The following TENM2 variants were observed in gnomAD, a reference collection of about 807,000 sequenced individuals.
TENM2 encodes the protein teneurin transmembrane protein 2.
In TENM2, 52 loss-of-function variants were observed where a neutral mutation model predicts 245.2. That is an observed-to-expected ratio of 0.21 (90% CI 0.17 to 0.27). The LOEUF (loss-of-function observed/expected upper bound fraction) is 0.27. TENM2 is among the 10% of genes least tolerant of loss of function. The pLI, the probability that TENM2 is intolerant of heterozygous loss-of-function variation, is 1.00. For missense variants in TENM2, 3,046 were observed against 3,666.8 expected (o/e 0.83, Z 4.37); for synonymous variants, 1,363 against 1,438.9 (o/e 0.95, Z 1.19).
At chr5:167,123,845 T>C in the TENM2 span, among the ~76,000 whole-genome samples, 1 of 152,220 alleles carries the variant, frequency 6.6e-6, no homozygotes, top group African/African-American at 2.4e-5. Context: ...ATTATATTTA[T>C]GTCTAGAGCA....
At chr5:167,610,368 C>G (rs1367695007) in intron 2 of TENM2, among the ~76,000 whole-genome samples, 2 of 152,068 alleles carry the variant, frequency 1.3e-5, no homozygotes, top group East Asian at 3.9e-4. Flanking sequence ...TTGACCGACT[C>G]AACCTTCAGC....
At chr5:168,094,919 G>A (rs1413566862) in intron 8 of TENM2, among the ~76,000 whole-genome samples, 1 of 151,882 alleles carries the variant, frequency 6.6e-6, no homozygotes, top group Non-Finnish European at 1.5e-5. Context: ...TCATAGGAGG[G>A]CAAACCCTAT....
At chr5:167,424,824 T>C (rs1490172725) in intron 2 of TENM2, among the ~76,000 whole-genome samples, 1 of 152,178 alleles carries the variant, frequency 6.6e-6, no homozygotes, top group African/African-American at 2.4e-5. Context: ...TCATTGAAAA[T>C]ATTATTCTTG....
chr5:168,178,078 C>T (rs1208910087), intron 13 of TENM2, among the ~76,000 whole-genome samples: 2 of 152,162 alleles, frequency 1.3e-5, no homozygotes, highest in Non-Finnish European at 2.9e-5. Context: ...CCTACTAATC[C>T]TCTCCACTCT....
Position 168,143,867 on chromosome 5 carries a change from G to C in TENM2, c.2422+16901G>C, listed in dbSNP as rs1486572881. Among the ~76,000 whole-genome samples, 6 of 25,602 alleles carry C rather than the reference G, an allele frequency of 2.3e-4. No individual in the cohort carries two copies. In the Admixed American group the frequency reaches 2.6e-3, roughly 11 times the overall value. 16.8% of individuals were successfully genotyped at this position (25,602 alleles called of 152,430 possible). ...TCTTTTTTTTTTTTTTTTTTTTTTTGAGACAGAGTTTCTCTCTTATTTCCC... is the reference window on the plus strand; with the variant it reads ...TCTTTTTTTTTTTTTTTTTTTTTTTCAGACAGAGTTTCTCTCTTATTTCCC... On this transcript the variant is annotated intron_variant, in intron 12 of 28. Coordinates refer to ENST00000518659, the Ensembl canonical transcript of TENM2.
the TENM2 span, among the ~76,000 whole-genome samples, chr5:167,212,316 C>T: frequency 5.3e-5 from 8 of 152,300 alleles, no homozygotes; most frequent in South Asian, 1.0e-3. Flanking sequence ...GCAGCCGGAC[C>T]TTTCTCTGGG....
rs550188320 is a variant in TENM2 at position 167,433,153 on chromosome 5, A to AT, written c.502+57686dup. Among the ~76,000 whole-genome samples the AT allele has an allele frequency of 3.7e-3, 556 of 151,336 alleles. 1 individual carries two copies. Among genetic ancestry groups the AT allele is most frequent in the African/African-American group, 0.013 (527 of 41,152 alleles). ...TAGTAACAGACACATGCATTTCTGT[A>AT]TTTTTTCCTTAACAAAGTTTATTAA... On this transcript the variant is annotated intron_variant, in intron 2 of 28. Coordinates refer to ENST00000518659, the Ensembl canonical transcript of TENM2.
chr5:167,698,690 T>G lies in TENM2; in HGVS notation c.503-177296T>G, dbSNP rs551903030. Among the ~76,000 whole-genome samples, 348 of 143,458 alleles carry G rather than the reference T, an allele frequency of 2.4e-3. 2 individuals are homozygous for G. The highest frequency in any genetic ancestry group is 9.1e-3 in the African/African-American group (328 of 36,226). 94.1% of individuals were successfully genotyped at this position (143,458 alleles called of 152,430 possible). On this transcript the variant is annotated intron_variant, in intron 2 of 28. Coordinates refer to ENST00000518659, the Ensembl canonical transcript of TENM2. ...TTGTTTTGTTTTTTGTTTTTTTTTTTTTTTTTTTTTTGAGACATAATCTCG... is the reference window on the plus strand; with the variant it reads ...TTGTTTTGTTTTTTGTTTTTTTTTTGTTTTTTTTTTTGAGACATAATCTCG...
At chr5:167,928,669 G>A (rs1385217722) in intron 3 of TENM2, among the ~76,000 whole-genome samples, 2 of 151,912 alleles carry the variant, frequency 1.3e-5, no homozygotes, top group Non-Finnish European at 2.9e-5. Flanking sequence ...CGAGGCAGGT[G>A]GATCACTTGA....
chr5:167,284,812 A>C, exon 1 of TENM2: 1 of 1,531,740 alleles, frequency 6.5e-7, no homozygotes. Context: ...TTCTGAAAAC[A>C]TCAGCATTCT....
exon 29 of TENM2, chr5:168,262,854 A>G (rs369945626): frequency 1.3e-6 from 2 of 1,516,646 alleles, no homozygotes; most frequent in East Asian, 2.4e-5. Flanking sequence ...GCTCAGCAGG[A>G]GTAACTGTTA....
intron 2 of TENM2, chr5:167,728,688 A>G (rs1357644849): frequency 6.6e-6 from 1 of 152,246 alleles, no homozygotes; most frequent in Admixed American, 6.5e-5. Context: ...TCTGTGTTTT[A>G]TCTACAGCTC....
chr5:168,211,203 G>A (rs1371753809), intron 19 of TENM2, among the ~76,000 whole-genome samples: 1 of 152,206 alleles, frequency 6.6e-6, no homozygotes, highest in African/African-American at 2.4e-5. Context: ...TAGGCTGTGA[G>A]CAGGGTCTCT....
intron 2 of TENM2, among the ~76,000 whole-genome samples, chr5:167,614,573 T>C (rs921938307): frequency 2.6e-5 from 4 of 152,166 alleles, no homozygotes; most frequent in Non-Finnish European, 2.9e-5. Context: ...TTTTTTTCTT[T>C]GCTTTTATAT....
chr5:168,226,954 G>A (rs1217780044), intron 24 of TENM2, among the ~76,000 whole-genome samples: 1 of 152,176 alleles, frequency 6.6e-6, no homozygotes, highest in Non-Finnish European at 1.5e-5. Flanking sequence ...GACATTTCTG[G>A]ACTATTATCC....
intron 1 of TENM2, among the ~76,000 whole-genome samples, chr5:167,347,590 T>C (rs1758546601): frequency 6.6e-6 from 1 of 152,144 alleles, no homozygotes; most frequent in South Asian, 2.1e-4. Flanking sequence ...GAAAATCTAA[T>C]GGGGTACAAA....
Position 167,872,522 on chromosome 5 carries a change from AAG to A in TENM2, c.503-3462_503-3461del, listed in dbSNP as rs1176740960. 8.8e-4 allele frequency among the ~76,000 whole-genome samples: 44 copies of A among 50,008 alleles called. 1 individual carries two copies. The highest frequency in any genetic ancestry group is 8.6e-3 in the Middle Eastern group (1 of 116). 32.8% of individuals were successfully genotyped at this position (50,008 alleles called of 152,430 possible). ...AAAGAAAGAAAGAAAGAAAGAAAGA[AAG>A]AAAGAAAGAAAGAAAGAAAGAAAGA... On this transcript the variant is annotated intron_variant, in intron 2 of 28. Coordinates refer to ENST00000518659, the Ensembl canonical transcript of TENM2.
At chr5:167,763,030 C>A (rs563227139) in intron 2 of TENM2, among the ~76,000 whole-genome samples, 1 of 152,100 alleles carries the variant, frequency 6.6e-6, no homozygotes, top group Non-Finnish European at 1.5e-5. Context: ...TCTCTTTGAC[C>A]TGACTTCTCC....
intron 2 of TENM2, among the ~76,000 whole-genome samples, chr5:167,850,300 A>G (rs913600578): frequency 6.6e-6 from 1 of 152,174 alleles, no homozygotes; most frequent in Non-Finnish European, 1.5e-5. Flanking sequence ...GGGGACCATT[A>G]CTGTGCACAC....
Sources: gnomAD v4.1 joint callset for allele counts (sites outside exome capture counted in the v4.1 genomes callset) on GRCh38, gnomAD v4.1.1 for gene constraint, MANE v1.5 for transcripts, NCBI Gene and HGNC (gene_info 2026-07-23, HGNC 2026-07-21) for gene names.